The following NLGN4X variants were observed in gnomAD, a reference collection of about 807,000 sequenced individuals.
NLGN4X encodes the protein neuroligin-4, X-linked.
In NLGN4X, 3 loss-of-function variants were observed where a neutral mutation model predicts 40.3. That is an observed-to-expected ratio of 0.07 (90% CI 0.03 to 0.19). NLGN4X has a LOEUF of 0.19. Among genes scored for constraint, NLGN4X ranks in the 10% least tolerant of loss-of-function variants. The pLI, the probability that NLGN4X is intolerant of heterozygous loss-of-function variation, is 1.00. For synonymous variants in NLGN4X, 270 were observed against 306.8 expected (o/e 0.88, Z 1.25); for missense variants, 382 against 708.3 (o/e 0.54, Z 5.23).
intron 1 of NLGN4X, among the ~76,000 whole-genome samples, chrX:6,194,089 G>C (rs1051926486): frequency 9.0e-6 from 1 of 111,339 alleles, no homozygotes; most frequent in African/African-American, 3.3e-5. Context: ...AAGCTGAGGT[G>C]GGAGGATCAC....
chrX:5,977,942 G>A (rs1054796458), intron 3 of NLGN4X, among the ~76,000 whole-genome samples: 1 of 112,081 alleles, frequency 8.9e-6, no homozygotes, highest in Non-Finnish European at 1.9e-5. Context: ...CCCTGAGCAG[G>A]TGCTCCGAGA....
intron 2 of NLGN4X, among the ~76,000 whole-genome samples, chrX:6,114,510 T>C (rs1190748066): frequency 2.2e-5 from 2 of 92,434 alleles, no homozygotes; most frequent in Admixed American, 2.5e-4. Context: ...CCTCTTTCCA[T>C]CAAAGTGGCA....
chrX:6,024,767 A>T (rs1448480816), intron 3 of NLGN4X, among the ~76,000 whole-genome samples: 1 of 111,793 alleles, frequency 8.9e-6, no homozygotes, highest in Non-Finnish European at 1.9e-5. Context: ...TATATGGTCT[A>T]AAAAGGGGAG....
At chrX:6,218,326 T>A (rs1258019990) in intron 1 of NLGN4X, among the ~76,000 whole-genome samples, 2 of 111,967 alleles carry the variant, frequency 1.8e-5, no homozygotes, top group African/African-American at 6.5e-5. Context: ...ATAATTACCC[T>A]CTGAGAATTC....
intron 2 of NLGN4X, among the ~76,000 whole-genome samples, chrX:6,106,799 T>G (rs2039042137): frequency 8.9e-6 from 1 of 111,925 alleles, no homozygotes; most frequent in Admixed American, 9.5e-5. Context: ...GACATCTTGT[T>G]CACCCAGAGG....
At chrX:6,061,909 T>C (rs1195404726) in intron 2 of NLGN4X, among the ~76,000 whole-genome samples, 5 of 111,827 alleles carry the variant, frequency 4.5e-5, no homozygotes, top group African/African-American at 3.3e-5. Context: ...TCTCAAATTG[T>C]TGGCAAGCTC....
At chrX:6,224,022 G>T (rs1206444755) in intron 1 of NLGN4X, among the ~76,000 whole-genome samples, 1 of 112,561 alleles carries the variant, frequency 8.9e-6, no homozygotes, top group Non-Finnish European at 1.9e-5. Context: ...ATACATTCTG[G>T]TTTACAAACT....
chrX:5,936,470 G>A lies in NLGN4X; in HGVS notation c.626-27231C>T, dbSNP rs188409554. Among the ~76,000 whole-genome samples, 11 of 111,981 alleles carry A rather than the reference G, an allele frequency of 9.8e-5. No homozygotes were observed. In the East Asian group the frequency reaches 3.1e-3, roughly 32 times the overall value. ...ATTTATAAAGGCATTTTATTAAAATGGTTTTTAAAACTAATGTTCTACCAT... is the reference window on the plus strand; with the variant it reads ...ATTTATAAAGGCATTTTATTAAAATAGTTTTTAAAACTAATGTTCTACCAT... On this transcript the variant is annotated intron_variant, in intron 3 of 5. Transcript: ENST00000381095.
At chrX:6,210,088 A>G (rs1209413364) in intron 1 of NLGN4X, among the ~76,000 whole-genome samples, 1 of 111,458 alleles carries the variant, frequency 9.0e-6, no homozygotes, top group East Asian at 2.8e-4. Context: ...TCCTGGCCTC[A>G]AGCAATCCTC....
intron 1 of NLGN4X, among the ~76,000 whole-genome samples, chrX:6,221,430 T>TATATATATATA (rs1925700370): frequency 2.0e-4 from 18 of 91,890 alleles, no homozygotes; most frequent in South Asian, 5.6e-4. Context: ...TATATATATA[T>TATATATATATA]TTGCTTTTAT....
chrX:6,163,861 C>G (rs1405746287), intron 1 of NLGN4X, among the ~76,000 whole-genome samples: 1 of 112,988 alleles, frequency 8.9e-6, no homozygotes, highest in African/African-American at 3.2e-5. Context: ...ATGACTAATA[C>G]TTGAACTTGG....
chrX:5,997,566 ATGTGTG>A (rs34152567), intron 3 of NLGN4X, among the ~76,000 whole-genome samples: 2 of 53,992 alleles, frequency 3.7e-5, no homozygotes, highest in African/African-American at 7.2e-5. Context: ...ATAAAATTAC[ATGTGTG>A]TGTGTGTGTG....
chrX:6,107,848 C>T (rs772534095), intron 2 of NLGN4X, among the ~76,000 whole-genome samples: 292 of 112,145 alleles, frequency 2.6e-3, no homozygotes, highest in Non-Finnish European at 4.5e-3. Flanking sequence ...TAATGGCCTC[C>T]AGCCACATTC....
intron 1 of NLGN4X, among the ~76,000 whole-genome samples, chrX:6,175,982 T>C (rs1352298142): frequency 1.8e-5 from 2 of 111,318 alleles, no homozygotes; most frequent in Non-Finnish European, 3.8e-5. Context: ...TAGTCAGTGA[T>C]TTTTCATTAA....
intron 1 of NLGN4X, among the ~76,000 whole-genome samples, chrX:6,218,520 A>C (rs968620797): frequency 9.1e-6 from 1 of 110,348 alleles, no homozygotes; most frequent in South Asian, 3.9e-4. Flanking sequence ...CAGAAGAAAA[A>C]TTCTGGTAAA....
chrX:6,221,594 C>T (rs1454177293), intron 1 of NLGN4X, among the ~76,000 whole-genome samples: 3 of 108,788 alleles, frequency 2.8e-5, no homozygotes, highest in African/African-American at 1.0e-4. Flanking sequence ...TATTGTCTCA[C>T]TTAGGAAAAC....
At chrX:6,167,278 ACT>A (rs1398195496) in intron 1 of NLGN4X, among the ~76,000 whole-genome samples, 1 of 109,649 alleles carries the variant, frequency 9.1e-6, no homozygotes, top group Non-Finnish European at 1.9e-5. Flanking sequence ...GAATAAAAAA[ACT>A]CTAGCGCTTC....
At position 5,908,410 on chromosome X, in the gene NLGN4X, A is replaced by C. The variant is rs140203000; in HGVS notation, c.811+644T>G. ...TGGCTAAAAGCCCTGATGGTTACAA[A>C]ATCTATACACCCGCATCCCTTATCG... On this transcript the variant is annotated intron_variant, in intron 4 of 5. Transcript: ENST00000381095. 1.2e-3 allele frequency among the ~76,000 whole-genome samples: 136 copies of C among 111,569 alleles called. 1 individual carries two copies. The highest frequency in any genetic ancestry group is 4.0e-3 in the Admixed American group (42 of 10,516).
intron 1 of NLGN4X, among the ~76,000 whole-genome samples, chrX:6,188,220 T>A (rs2147823586): frequency 8.9e-6 from 1 of 112,527 alleles, no homozygotes; most frequent in African/African-American, 3.2e-5. Flanking sequence ...CAAGTACTAA[T>A]TTTAAAATCT....
Sources: gnomAD v4.1 joint callset for allele counts (sites outside exome capture counted in the v4.1 genomes callset) on GRCh38, gnomAD v4.1.1 for gene constraint, MANE v1.5 for transcripts, NCBI Gene and HGNC (gene_info 2026-07-23, HGNC 2026-07-21) for gene names.